Variants in ATP10A observed in about 807,000 individuals in gnomAD.
The protein encoded by ATP10A is ATPase phospholipid transporting 10A (putative), also known as phospholipid-transporting ATPase VA.
In ATP10A, 111 loss-of-function variants were observed where a neutral mutation model predicts 147.8. That is an observed-to-expected ratio of 0.75 (90% CI 0.64 to 0.88). The LOEUF is 0.88. ATP10A is among the 40% of genes least tolerant of loss of function. ATP10A has a pLI of 0.00. For missense variants in ATP10A, 1,927 were observed against 1,959.0 expected (o/e 0.98, Z 0.31); for synonymous variants, 875 against 841.6 (o/e 1.04, Z -0.69).
intron 2 of ATP10A, among the ~76,000 whole-genome samples, chr15:25,767,366 C>G (rs746845891): frequency 6.6e-6 from 1 of 152,202 alleles, no homozygotes; most frequent in African/African-American, 2.4e-5. Flanking sequence ...ACATCCCGGA[C>G]AGCGAGTCTG....
intron 10 of ATP10A, chr15:25,709,297 T>A (rs570430398): frequency 6.6e-6 from 1 of 152,344 alleles, no homozygotes; most frequent in African/African-American, 2.4e-5. Context: ...TATTTACATT[T>A]CCCGAAAGGA....
intron 2 of ATP10A, among the ~76,000 whole-genome samples, chr15:25,741,980 T>C (rs999546185): frequency 6.6e-6 from 1 of 152,266 alleles, no homozygotes; most frequent in African/African-American, 2.4e-5. Flanking sequence ...TAGGGGTTAA[T>C]GCCCCGTGAC....
intron 1 of ATP10A, among the ~76,000 whole-genome samples, chr15:25,785,148 A>G (rs1365785327): frequency 6.6e-6 from 1 of 152,100 alleles, no homozygotes; most frequent in Non-Finnish European, 1.5e-5. Flanking sequence ...CAACCCTGCC[A>G]TGTCACCACT....
rs186670731 is a variant in ATP10A at position 25,681,850 on chromosome 15, G to A, written c.3493-776C>T. On this transcript the variant is annotated intron_variant, in intron 17 of 20. Transcript: ENST00000555815. ...GGGCGGATCATGAGGTCAGGAGATC[G>A]AGACCATCCTGGTTAACATGGTGAA... Among the ~76,000 whole-genome samples the A allele has an allele frequency of 1.1e-3, 172 of 152,198 alleles. 2 individuals are homozygous for A. Among genetic ancestry groups the A allele is most frequent in the Non-Finnish European group, 2.9e-4 (20 of 68,000 alleles).
intron 1 of ATP10A, among the ~76,000 whole-genome samples, chr15:25,787,926 A>G (rs2140733660): frequency 6.6e-6 from 1 of 152,248 alleles, no homozygotes; most frequent in East Asian, 1.9e-4. Flanking sequence ...CCATAGAAGG[A>G]CACTGCCCTC....
At chr15:25,726,463 A>G (rs984736110) in intron 4 of ATP10A, among the ~76,000 whole-genome samples, 1 of 146,406 alleles carries the variant, frequency 6.8e-6, no homozygotes, top group Non-Finnish European at 1.5e-5. Flanking sequence ...TTTTTTTGAG[A>G]TGGAGTCTTA....
chr15:25,721,890 A>G lies in ATP10A; in HGVS notation c.1130T>C (p.Leu377Ser), dbSNP rs761414776. 3 of 1,612,196 alleles carry G rather than the reference A, an allele frequency of 1.9e-6. No homozygotes were observed. The highest frequency in any genetic ancestry group is 2.5e-6 in the Non-Finnish European group (3 of 1,178,288). ...TTTAACAATTTCAATGGAAACGTAT[A>G]AGGAAATTGGGATCAAAACCTGGAA... is the stretch of plus-strand genomic sequence containing the variant. ...IVLQVLIPIS[L>S]YVSIEIVKAC... is the part of the protein sequence containing the mutation. The change falls in exon 7 of 21, where the codon TTA becomes TCA. Residue 377 changes from leucine to serine, a missense_variant. Physicochemically the swap from Leu to Ser is moderately radical, Grantham distance 145 (BLOSUM62 -2). Transcript: ENST00000555815.
rs563215161 is a variant in ATP10A, at chr15:25,859,517, G to A, written c.449+3131C>T. 9.8e-5 allele frequency among the ~76,000 whole-genome samples: 15 copies of A among 152,292 alleles called. No individual in the cohort carries two copies. The South Asian group carries it at 3.1e-3, about 32-fold the overall frequency. On this transcript the variant is annotated intron_variant, in intron 1 of 20. Coordinates refer to ENST00000555815, the MANE Select transcript of ATP10A (RefSeq NM_024490.4). ...CACCCTCCCATCACAGTGGACCACA[G>A]CTTAGTGACGCTGGGTGGGTGGCCC...
chr15:25,855,058 T>TCA (rs200431571), intron 1 of ATP10A, among the ~76,000 whole-genome samples: 43 of 104,308 alleles, frequency 4.1e-4, no homozygotes, highest in African/African-American at 1.5e-3. Context: ...AAACTCCGTC[T>TCA]CACAAAAAAA....
chr15:25,695,608 G>A (rs768732180), intron 13 of ATP10A, among the ~76,000 whole-genome samples: 4 of 151,984 alleles, frequency 2.6e-5, no homozygotes, highest in South Asian at 4.2e-4. Context: ...CAGCCTAGGC[G>A]ACAGAGCGAG....
chr15:25,765,080 T>G (rs1314567000), intron 2 of ATP10A, among the ~76,000 whole-genome samples: 1 of 152,318 alleles, frequency 6.6e-6, no homozygotes, highest in East Asian at 1.9e-4. Context: ...GCCTAGACTT[T>G]AAACAGCCCT....
At chr15:25,755,604 C>T (rs566094111) in intron 2 of ATP10A, among the ~76,000 whole-genome samples, 2 of 152,134 alleles carry the variant, frequency 1.3e-5, no homozygotes, top group Admixed American at 6.5e-5. Flanking sequence ...AGAAAAGGGG[C>T]TGTCTCAAAG....
chr15:25,728,904 A>G (rs1164942160), intron 3 of ATP10A, among the ~76,000 whole-genome samples: 1 of 152,096 alleles, frequency 6.6e-6, no homozygotes, highest in Non-Finnish European at 1.5e-5. Flanking sequence ...CCCACAACAC[A>G]AAGGGGAGGC....
chr15:25,770,300 C>T (rs1044789438), intron 2 of ATP10A, among the ~76,000 whole-genome samples: 1 of 152,276 alleles, frequency 6.6e-6, no homozygotes, highest in East Asian at 1.9e-4. Flanking sequence ...GCCTGAGCAG[C>T]GACAGCAATG....
chr15:25,764,083 A>G lies in ATP10A; in HGVS notation c.654+16936T>C, dbSNP rs1028926608. On this transcript the variant is annotated intron_variant, in intron 2 of 20. Transcript: ENST00000555815. ...GGGCTTCTCAGTCTCCAATGGGCACATGAATCCCCCAGGATCTTGTCAAAA... is the reference window on the plus strand; with the variant it reads ...GGGCTTCTCAGTCTCCAATGGGCACGTGAATCCCCCAGGATCTTGTCAAAA... Among the ~76,000 whole-genome samples, 5 of 152,252 alleles carry G rather than the reference A, an allele frequency of 3.3e-5. No individual in the cohort carries two copies. The East Asian group carries it at 9.7e-4, about 29-fold the overall frequency.
At chr15:25,738,883 T>A (rs1887430980) in intron 2 of ATP10A, among the ~76,000 whole-genome samples, 1 of 152,166 alleles carries the variant, frequency 6.6e-6, no homozygotes, top group African/African-American at 2.4e-5. Flanking sequence ...CTTAGGATCT[T>A]TAAGTATCGT....
At chr15:25,814,259 T>C (rs1203161544) in intron 1 of ATP10A, among the ~76,000 whole-genome samples, 2 of 152,208 alleles carry the variant, frequency 1.3e-5, no homozygotes, top group Non-Finnish European at 1.5e-5. Flanking sequence ...GAAAGAAAAC[T>C]GCCCGCCTAG....
intron 2 of ATP10A, among the ~76,000 whole-genome samples, chr15:25,778,782 G>A (rs979127514): frequency 1.3e-5 from 2 of 152,176 alleles, no homozygotes; most frequent in African/African-American, 4.8e-5. Context: ...GCTATGAAGT[G>A]CTGCAGTTAT....
At chr15:25,795,817 G>C (rs1359649456) in intron 1 of ATP10A, among the ~76,000 whole-genome samples, 1 of 152,302 alleles carries the variant, frequency 6.6e-6, no homozygotes, top group East Asian at 1.9e-4. Context: ...GAGGTGTCTG[G>C]GTCGTGGGGG....
Sources: allele counts gnomAD v4.1 joint callset (sites outside exome capture counted in the v4.1 genomes callset), GRCh38; gene constraint gnomAD v4.1.1; transcripts MANE v1.5; gene names NCBI Gene and HGNC (gene_info 2026-07-23, HGNC 2026-07-21).